Variants in ZNF423 observed in about 807,000 individuals in gnomAD.
ZNF423 encodes zinc finger protein 423, also known as Ebf-associated zinc finger protein.
A neutral mutation model predicts 95.8 loss-of-function variants in ZNF423; 12 were observed. The observed-to-expected ratio is 0.13, with a 90% confidence interval of 0.08 to 0.20. The LOEUF is 0.20. Ranked by LOEUF, ZNF423 falls within the 10% of genes least tolerant of loss-of-function variation. The pLI is 1.00. For synonymous variants in ZNF423, 749 were observed against 711.9 expected (o/e 1.05, Z -0.83); for missense variants, 1,316 against 1,737.1 (o/e 0.76, Z 4.31).
intron 7 of ZNF423, among the ~76,000 whole-genome samples, chr16:49,497,250 T>C (rs1461075046): frequency 6.6e-6 from 1 of 152,178 alleles, no homozygotes; most frequent in Non-Finnish European, 1.5e-5. Context: ...CATCCATCCA[T>C]GCATACATTT....
intron 3 of ZNF423, among the ~76,000 whole-genome samples, chr16:49,687,990 C>T (rs985049644): frequency 3.3e-5 from 5 of 151,440 alleles, no homozygotes; most frequent in African/African-American, 1.2e-4. Flanking sequence ...AAAAAACAGC[C>T]AGAGGGCCTC....
chr16:49,807,895 A>G lies in ZNF423; in HGVS notation c.41-18349T>C, dbSNP rs2034690303. On this transcript the variant is annotated intron_variant, in intron 1 of 7. Coordinates refer to ENST00000563137, the MANE Select transcript of ZNF423 (RefSeq NM_001379286.1). ...CCCCGGGGCTGGCAGGGACCTCCCCAGACAACTCCTGCCAGGAGGACACAC... is the reference window on the plus strand; with the variant it reads ...CCCCGGGGCTGGCAGGGACCTCCCCGGACAACTCCTGCCAGGAGGACACAC... Among the ~76,000 whole-genome samples the G allele has an allele frequency of 2.0e-5, 3 of 152,154 alleles. No individual in the cohort carries two copies. The South Asian group carries it at 6.2e-4, about 32-fold the overall frequency.
intron 5 of ZNF423, among the ~76,000 whole-genome samples, chr16:49,576,595 T>C (rs1450590705): frequency 6.6e-6 from 1 of 152,212 alleles, no homozygotes; most frequent in African/African-American, 2.4e-5. Context: ...AATTGGCCCC[T>C]ACCCATCAGA....
intron 3 of ZNF423, among the ~76,000 whole-genome samples, chr16:49,696,382 C>G (rs971340500): frequency 6.6e-6 from 1 of 152,292 alleles, no homozygotes; most frequent in Admixed American, 6.5e-5. Context: ...TGGGCCACAC[C>G]AAGCTCTAGC....
chr16:49,688,421 T>C (rs1269790956), intron 3 of ZNF423, among the ~76,000 whole-genome samples: 5 of 152,170 alleles, frequency 3.3e-5, no homozygotes, highest in South Asian at 4.1e-4. Context: ...TCTTGCTCCA[T>C]AGAGGGAAGC....
intron 1 of ZNF423, among the ~76,000 whole-genome samples, chr16:49,822,220 C>T (rs937914194): frequency 1.3e-5 from 2 of 150,378 alleles, no homozygotes; most frequent in Non-Finnish European, 2.9e-5. Context: ...GTTGCCCAGG[C>T]TGGAGTGCAG....
intron 5 of ZNF423, among the ~76,000 whole-genome samples, chr16:49,561,768 A>C (rs1970024842): frequency 6.6e-6 from 1 of 152,170 alleles, no homozygotes; most frequent in Non-Finnish European, 1.5e-5. Flanking sequence ...ATTGATAATA[A>C]ATTTTATAAT....
chr16:49,761,474 C>T (rs1283225488), intron 2 of ZNF423, among the ~76,000 whole-genome samples: 2 of 152,216 alleles, frequency 1.3e-5, no homozygotes, highest in African/African-American at 4.8e-5. Context: ...TTACTAGAAG[C>T]TCCCAGTAAG....
chr16:49,491,201 G>GTAA lies in ZNF423; in HGVS notation c.*71_*73dup, dbSNP rs1461508721. The GTAA allele has an allele frequency of 2.3e-5, 37 of 1,580,076 alleles. No individual in the cohort carries two copies. Among genetic ancestry groups the GTAA allele is most frequent in the Non-Finnish European group, 3.1e-5 (36 of 1,149,668 alleles). On this transcript the variant is annotated 3_prime_UTR_variant, in exon 8 of 8. Coordinates refer to ENST00000563137, the MANE Select transcript of ZNF423 (RefSeq NM_001379286.1). ...GTTGCAAATGACACTTTGATTGGAT[G>GTAA]TAATGTTCAAATGGCCCTCCCCACG...
chr16:49,491,384 G>T lies in ZNF423; in HGVS notation c.3850-80C>A, dbSNP rs938345608. 5.2e-6 allele frequency: 8 copies of T among 1,545,892 alleles called. No individual in the cohort carries two copies. In the Admixed American group the frequency reaches 6.7e-5, roughly 13 times the overall value. ...CGTCCCTCCCACTCAGTGCATTTACGCCGGGAGCCGCAGAAAAGCGTCTCG... is the reference window on the plus strand; with the variant it reads ...CGTCCCTCCCACTCAGTGCATTTACTCCGGGAGCCGCAGAAAAGCGTCTCG... On this transcript the variant is annotated intron_variant, in intron 7 of 7. Transcript: ENST00000563137.
In ZNF423 at chr16:49,793,826, G is replaced by T. The variant is rs534022582; in HGVS notation, c.41-4280C>A. Among the ~76,000 whole-genome samples, 11 of 152,316 alleles carry T rather than the reference G, an allele frequency of 7.2e-5. No individual in the cohort carries two copies. The South Asian group carries it at 2.3e-3, about 32-fold the overall frequency. On this transcript the variant is annotated intron_variant, in intron 1 of 7. Transcript: ENST00000563137. ...TGCAGGGTGGATGTGAATACACAGG[G>T]AGGGGGCACATGGCAGAGCCCGATT... is the stretch of plus-strand genomic sequence containing the variant.
At chr16:49,627,439 A>T (rs952382439) in intron 4 of ZNF423, among the ~76,000 whole-genome samples, 53 of 145,750 alleles carry the variant, frequency 3.6e-4, no homozygotes, top group Non-Finnish European at 7.2e-4. Flanking sequence ...CTACCCATCC[A>T]TCCATCTACA....
chr16:49,729,321 T>C (rs948852194), intron 3 of ZNF423, among the ~76,000 whole-genome samples: 10 of 152,348 alleles, frequency 6.6e-5, no homozygotes, highest in South Asian at 2.1e-4. Flanking sequence ...AATCAAGAAA[T>C]ATACCAACAT....
At chr16:49,519,159 C>T (rs1429318749) in intron 7 of ZNF423, among the ~76,000 whole-genome samples, 1 of 152,240 alleles carries the variant, frequency 6.6e-6, no homozygotes, top group African/African-American at 2.4e-5. Flanking sequence ...CAATGTAACA[C>T]ATGACCCCAT....
At chr16:49,622,472 G>A (rs139072532) in intron 5 of ZNF423, among the ~76,000 whole-genome samples, 1 of 152,124 alleles carries the variant, frequency 6.6e-6, no homozygotes, top group Admixed American at 6.5e-5. Flanking sequence ...CACCCTCGCA[G>A]CCTGGCAGAA....
At chr16:49,526,151 G>C (rs542359409) in intron 5 of ZNF423, among the ~76,000 whole-genome samples, 2 of 152,176 alleles carry the variant, frequency 1.3e-5, no homozygotes, top group Non-Finnish European at 2.9e-5. Context: ...AGAGGGCCAA[G>C]AGTGAGGTCA....
intron 3 of ZNF423, among the ~76,000 whole-genome samples, chr16:49,654,258 G>T (rs1397749407): frequency 3.3e-5 from 5 of 152,210 alleles, no homozygotes; most frequent in African/African-American, 9.6e-5. Context: ...GCCCCCGAAA[G>T]CCCAACCCAT....
upstream of ZNF423, among the ~76,000 whole-genome samples, chr16:49,858,074 G>A (rs971986486): frequency 1.3e-5 from 2 of 152,106 alleles, no homozygotes; most frequent in Admixed American, 6.5e-5. The surrounding 1 kb of genome is among the most constrained non-coding windows in gnomAD (Gnocchi z 4.3). Context: ...GGAGCCAGGA[G>A]AACGGAGCGG....
chr16:49,746,256 T>G (rs2033522209), intron 2 of ZNF423, among the ~76,000 whole-genome samples: 1 of 152,118 alleles, frequency 6.6e-6, no homozygotes, highest in Non-Finnish European at 1.5e-5. Context: ...ACCTGGCCAC[T>G]GGGTGCGGGA....
Sources: allele counts gnomAD v4.1 joint callset (sites outside exome capture counted in the v4.1 genomes callset), GRCh38; gene constraint gnomAD v4.1.1; non-coding constraint Gnocchi (gnomAD v3.1); transcripts MANE v1.5; gene names NCBI Gene and HGNC (gene_info 2026-07-23, HGNC 2026-07-21).